Variants in IGDCC3 observed in about 807,000 individuals in gnomAD.
The protein encoded by IGDCC3 is putative neuronal cell adhesion molecule.
Under a neutral mutation model 72.0 loss-of-function variants are expected in IGDCC3, and 47 were observed. The ratio of observed to expected loss-of-function variants is 0.65; its 90% CI spans 0.52 to 0.83. The LOEUF is 0.83. Among genes scored for constraint, IGDCC3 ranks in the 40% least tolerant of loss-of-function variants. The pLI is 0.00. For synonymous variants in IGDCC3, 477 were observed against 472.8 expected, an observed-to-expected ratio of 1.01 and a Z score of -0.11; for missense variants, 1,038 against 1,091.3, an observed-to-expected ratio of 0.95 and a Z score of 0.69.
intron 2 of IGDCC3, among the ~76,000 whole-genome samples, chr15:65,360,253 C>G (rs1441589852): frequency 6.6e-6 from 1 of 152,182 alleles, no homozygotes; most frequent in Non-Finnish European, 1.5e-5. Flanking sequence ...TAACATCATA[C>G]CAGCCTGCCT....
At chr15:65,355,025 G>C (rs2091204814) in intron 2 of IGDCC3, among the ~76,000 whole-genome samples, 1 of 152,232 alleles carries the variant, frequency 6.6e-6, no homozygotes, top group Non-Finnish European at 1.5e-5. Context: ...GGCCTGGCAA[G>C]TTCTTGGGAA....
At position 65,329,708 on chromosome 15, in the gene IGDCC3, C is replaced by T. The variant is rs2090958991; in HGVS notation, c.1997+18G>A. 3 of 1,613,914 alleles carry T rather than the reference C, an allele frequency of 1.9e-6. No homozygotes were observed. The highest frequency in any genetic ancestry group is 2.2e-5 in the East Asian group (1 of 44,886). ...CCCCACACACCAGCCCAGCCCCTCT[C>T]CCTGGCCCAGGACCCACCTGCCCCT... is the stretch of plus-strand genomic sequence containing the variant. On this transcript the variant is annotated intron_variant, in intron 12 of 13. Transcript: ENST00000327987. This position sits in a 1 kb window ranked among gnomAD's most constrained non-coding sequence, Gnocchi z 4.1.
chr15:65,329,639 A>T lies in IGDCC3; in HGVS notation c.1998-42T>A. Reference sequence around the variant, plus strand: ...AGTTGGGGGGAGGGAGAGAGAAAAGAGACAGAGGCAGTGAGCCCACACTCA... The same window carrying T: ...AGTTGGGGGGAGGGAGAGAGAAAAGTGACAGAGGCAGTGAGCCCACACTCA... On this transcript the variant is annotated intron_variant, in intron 12 of 13. Coordinates refer to ENST00000327987, the MANE Select transcript of IGDCC3 (RefSeq NM_004884.4). The surrounding 1 kb of genome is among the most constrained non-coding windows in gnomAD (Gnocchi z 4.1). 6.2e-7 allele frequency: 1 copy of T among 1,611,324 alleles called. No homozygotes were observed. The highest frequency in any genetic ancestry group is 8.5e-7 in the Non-Finnish European group (1 of 1,177,894).
chr15:65,349,366 A>C (rs1181025866), intron 2 of IGDCC3, among the ~76,000 whole-genome samples: 1 of 152,246 alleles, frequency 6.6e-6, no homozygotes, highest in East Asian at 1.9e-4. Flanking sequence ...ATGCCGGCAA[A>C]AGGGAAATAA....
At chr15:65,351,348 C>A (rs913999336) in intron 2 of IGDCC3, among the ~76,000 whole-genome samples, 1 of 152,164 alleles carries the variant, frequency 6.6e-6, no homozygotes, top group Non-Finnish European at 1.5e-5. Context: ...TCCTGGCTAA[C>A]ACGGTGAAAC....
At chr15:65,330,482 C>A (rs1454099541) in intron 10 of IGDCC3, 68 bp downstream of exon 10, 3 of 1,570,224 alleles carry the variant, frequency 1.9e-6, no homozygotes, top group Non-Finnish European at 2.6e-6. Flanking sequence ...GACCCCTGTA[C>A]GCCACCTCCT....
At chr15:65,350,079 C>T (rs1197832974) in intron 2 of IGDCC3, among the ~76,000 whole-genome samples, 1 of 152,154 alleles carries the variant, frequency 6.6e-6, no homozygotes, top group African/African-American at 2.4e-5. Flanking sequence ...ATATTGGCCA[C>T]TTGGCATGGC....
At chr15:65,358,752 C>G (rs543308421) in intron 2 of IGDCC3, among the ~76,000 whole-genome samples, 1 of 151,750 alleles carries the variant, frequency 6.6e-6, no homozygotes, top group Non-Finnish European at 1.5e-5. Flanking sequence ...CCTCGAACTC[C>G]TGGGCTCAAC....
At chr15:65,342,913 G>A (rs945532338) in intron 2 of IGDCC3, among the ~76,000 whole-genome samples, 19 of 152,008 alleles carry the variant, frequency 1.2e-4, no homozygotes, top group African/African-American at 4.1e-4. Flanking sequence ...GGTTCACCTC[G>A]ACCTCTTGGG....
In IGDCC3 at chr15:65,332,071, A is replaced by T. The variant is rs1008780664; in HGVS notation, c.1018T>A (p.Ser340Thr). Reference sequence around the variant, plus strand: ...ATGGCTGTGGTCCCAGCTGGCCTGGAGATGGACTGGGGATGCTGCACAAAC... The same window carrying T: ...ATGGCTGTGGTCCCAGCTGGCCTGGTGATGGACTGGGGATGCTGCACAAAC... The part of the protein sequence containing the change: ...AEFVQHPQSI[S>T]RPAGTTAMFT... The change falls in exon 7 of 14, where the codon TCC (serine) becomes ACC (threonine). Residue 340 changes from serine to threonine, a missense_variant. Coordinates refer to ENST00000327987, the MANE Select transcript of IGDCC3 (RefSeq NM_004884.4). 7.4e-6 allele frequency: 12 copies of T among 1,613,984 alleles called. No individual in the cohort carries two copies. Among genetic ancestry groups the T allele is most frequent in the East Asian group, 2.2e-5 (1 of 44,880 alleles).
intron 2 of IGDCC3, among the ~76,000 whole-genome samples, chr15:65,344,012 G>A (rs2091104636): frequency 6.6e-6 from 1 of 152,152 alleles, no homozygotes; most frequent in African/African-American, 2.4e-5. Flanking sequence ...CTCTGCTAGG[G>A]AAGAAACCCC....
intron 2 of IGDCC3, among the ~76,000 whole-genome samples, chr15:65,366,911 AAG>A (rs1307629883): frequency 6.6e-6 from 1 of 152,214 alleles, no homozygotes; most frequent in Non-Finnish European, 1.5e-5. Context: ...CATTTCTTAA[AAG>A]AGGGTGAACA....
intron 2 of IGDCC3, among the ~76,000 whole-genome samples, chr15:65,344,488 C>T (rs1425224676): frequency 6.6e-6 from 1 of 152,232 alleles, no homozygotes; most frequent in African/African-American, 2.4e-5. Flanking sequence ...TCTCTCCCCT[C>T]TCACAGCCAC....
Position 65,377,593 on chromosome 15 carries a change from C to G in IGDCC3, c.103+93G>C, listed in dbSNP as rs2091366845. ...GGTCCGCCCTCAGGTCCGCGCCGCT[C>G]TCCCCGGGTCCGCCCCTCGCGCCCG... On this transcript the variant is annotated intron_variant, in intron 1 of 13. Coordinates refer to ENST00000327987, the MANE Select transcript of IGDCC3 (RefSeq NM_004884.4). The surrounding 1 kb of genome is among the most constrained non-coding windows in gnomAD (Gnocchi z 4.9). 2.4e-6 allele frequency: 3 copies of G among 1,235,584 alleles called. No homozygotes were observed. Among genetic ancestry groups the G allele is most frequent in the Admixed American group, 7.2e-5 (2 of 27,908 alleles). 76.5% of individuals were successfully genotyped at this position (1,235,584 alleles called of 1,614,324 possible).
Position 65,359,908 on chromosome 15 carries a change from A to G in IGDCC3, c.409+15189T>C, listed in dbSNP as rs145826661. 3.7e-4 allele frequency among the ~76,000 whole-genome samples: 56 copies of G among 152,110 alleles called. 1 individual carries two copies. In the East Asian group the frequency reaches 8.9e-3, roughly 24 times the overall value. ...ATTCAGCTTCATCTGCCCTCCCCCA[A>G]TCCCAGCTGCTGAGTTATTGGGGGC... On this transcript the variant is annotated intron_variant, in intron 2 of 13. Coordinates refer to ENST00000327987, the MANE Select transcript of IGDCC3 (RefSeq NM_004884.4).
Position 65,377,859 on chromosome 15 carries a change from G to GGCCGGC in IGDCC3, c.-77_-72dup. ...TCTCGCGGCTCACAGCGTCCCGCGGGGCCGGCGCCGGGGCCGGGGCTGGGG... is the reference window on the plus strand; with the variant it reads ...TCTCGCGGCTCACAGCGTCCCGCGGGGCCGGCGCCGGCGCCGGGGCCGGGGCTGGGG... On this transcript the variant is annotated 5_prime_UTR_variant, in exon 1 of 14. Coordinates refer to ENST00000327987, the MANE Select transcript of IGDCC3 (RefSeq NM_004884.4). This position sits in a 1 kb window ranked among gnomAD's most constrained non-coding sequence, Gnocchi z 4.9. 2.8e-6 allele frequency: 3 copies of GGCCGGC among 1,075,238 alleles called. No individual in the cohort carries two copies. Among genetic ancestry groups the GGCCGGC allele is most frequent in the Non-Finnish European group, 2.2e-6 (2 of 889,382 alleles). 66.6% of individuals were successfully genotyped at this position (1,075,238 alleles called of 1,614,324 possible).
At chr15:65,346,553 A>T (rs530551126) in intron 2 of IGDCC3, among the ~76,000 whole-genome samples, 9 of 151,696 alleles carry the variant, frequency 5.9e-5, no homozygotes, top group Admixed American at 5.9e-4. Context: ...ACCTCCCAGG[A>T]TCAAGCGATT....
chr15:65,338,928 G>T (rs1317620932), intron 2 of IGDCC3, among the ~76,000 whole-genome samples: 2 of 151,724 alleles, frequency 1.3e-5, no homozygotes. Context: ...TTTGAGACAG[G>T]ATCTCACACT....
At chr15:65,344,000 G>C (rs1015287317) in intron 2 of IGDCC3, among the ~76,000 whole-genome samples, 3 of 152,178 alleles carry the variant, frequency 2.0e-5, no homozygotes, top group Non-Finnish European at 4.4e-5. Context: ...CCCTGACTTT[G>C]GCTCTGCTAG....
Sources: gnomAD v4.1 joint callset for allele counts (sites outside exome capture counted in the v4.1 genomes callset) on GRCh38, gnomAD v4.1.1 for gene constraint, Gnocchi (gnomAD v3.1) non-coding constraint, MANE v1.5 for transcripts, NCBI Gene and HGNC (gene_info 2026-07-23, HGNC 2026-07-21) for gene names.